Variants in FSCB observed in about 807,000 individuals in gnomAD.
FSCB encodes the protein fibrous sheath CABYR-binding protein.
For missense variants in FSCB, 975 were observed against 934.8 expected (o/e 1.04, Z -0.56); for synonymous variants, 331 against 336.6 (o/e 0.98, Z 0.18).
In FSCB at chr14:44,506,830, G is replaced by A. The variant is rs1193441721; in HGVS notation, c.158C>T (p.Ser53Phe). 19 of 1,613,942 alleles carry A rather than the reference G, an allele frequency of 1.2e-5. No homozygotes were observed. Among genetic ancestry groups the A allele is most frequent in the Non-Finnish European group, 1.5e-5 (18 of 1,179,988 alleles). Residue 53 changes from serine to phenylalanine, a missense_variant, in exon 1 of 1, where the codon TCT becomes TTT. Coordinates refer to ENST00000340446, the MANE Select transcript of FSCB (RefSeq NM_032135.4). ...AKAYESIRVS[S>F]ELQQTWTKRK... Reference sequence around the variant, plus strand: ...CTTTGTCCAAGTTTGCTGAAGCTCAGAAGATACTCTAATAGACTCATAGGC... The same window carrying A: ...CTTTGTCCAAGTTTGCTGAAGCTCAAAAGATACTCTAATAGACTCATAGGC...
chr14:44,504,350 G>A lies in FSCB; in HGVS notation c.*160C>T, dbSNP rs1488367557. On this transcript the variant is annotated 3_prime_UTR_variant, in exon 1 of 1. Coordinates refer to ENST00000340446, the MANE Select transcript of FSCB (RefSeq NM_032135.4). ...AAATTAACACAAGTAATTTTATGCT[G>A]CTACAGTTTTTATTGTTCATTTTCC... 6.0e-6 allele frequency: 3 copies of A among 498,386 alleles called. No individual in the cohort carries two copies. The highest frequency in any genetic ancestry group is 1.1e-5 in the Non-Finnish European group (3 of 280,506). 30.9% of individuals were successfully genotyped at this position (498,386 alleles called of 1,614,324 possible).
In FSCB at chr14:44,505,511, A is replaced by T. The variant is rs1881050357; in HGVS notation, c.1477T>A (p.Ser493Thr). 1.9e-6 allele frequency: 3 copies of T among 1,610,236 alleles called. No individual in the cohort carries two copies. The highest frequency in any genetic ancestry group is 2.7e-5 in the African/African-American group (2 of 73,982). Residue 493 changes from serine (S) to threonine (T), a missense_variant, in exon 1 of 1, where the codon TCT becomes ACT. Ser to Thr is a moderately conservative substitution (Grantham distance 58, BLOSUM62 1). Coordinates refer to ENST00000340446, the MANE Select transcript of FSCB (RefSeq NM_032135.4). ...PADETPAEAR[S>T]PLSEETSAEE... ...GCAGAAGTCTCCTCAGATAGTGGAG[A>T]CCGAGCTTCGGCAGGAGTTTCATCT... is the stretch of plus-strand genomic sequence containing the variant.
Position 44,504,833 on chromosome 14 carries a change from G to A in FSCB, c.2155C>T (p.Pro719Ser). The change falls in exon 1 of 1, where the codon CCA (proline) becomes TCA (serine). Residue 719 changes from proline (P) to serine (S), a missense_variant. Coordinates refer to ENST00000340446, the MANE Select transcript of FSCB (RefSeq NM_032135.4). ...TCAGTCAGAAGCAAATCAGCTGGTGGGGAATGTTTGTCAACGGAGGCCTCT... is the reference window on the plus strand; with the variant it reads ...TCAGTCAGAAGCAAATCAGCTGGTGAGGAATGTTTGTCAACGGAGGCCTCT... The part of the protein sequence containing the change: ...AEEASVDKHS[P>S]PADLLLTEEF... 1 of 1,614,142 alleles carries A rather than the reference G, an allele frequency of 6.2e-7. No individual in the cohort carries two copies. Among genetic ancestry groups the A allele is most frequent in the Non-Finnish European group, 8.5e-7 (1 of 1,180,030 alleles).
At position 44,505,639 on chromosome 14, in the gene FSCB, G is replaced by A. The variant is rs1261495361; in HGVS notation, c.1349C>T (p.Ala450Val). ...CTGAAATTCAGTAGGAGCCTCTTCTGCAGGGGTCTCCATAGCTGTTGAAAG... is the reference window on the plus strand; with the variant it reads ...CTGAAATTCAGTAGGAGCCTCTTCTACAGGGGTCTCCATAGCTGTTGAAAG... ...LQLSTAMETP[A>V]EEAPTEFQSP... The change falls in exon 1 of 1, where the codon GCA (alanine) becomes GTA (valine). Residue 450 changes from alanine (A) to valine (V), a missense_variant. By Grantham distance (64) the Ala-to-Val change is moderately conservative. Transcript: ENST00000340446. The A allele has an allele frequency of 6.2e-7, 1 of 1,613,522 alleles. No individual in the cohort carries two copies.
chr14:44,505,703 G>A lies in FSCB; in HGVS notation c.1285C>T (p.Pro429Ser). ...GCCTCTTCTCTAGGAGCCTCTTCAGGTAATAGAGGCTGAACATCAGCAAGG... is the reference window on the plus strand; with the variant it reads ...GCCTCTTCTCTAGGAGCCTCTTCAGATAATAGAGGCTGAACATCAGCAAGG... ...ETLADVQPLLPEEAPREEARE... is the reference protein window; with the variant it reads ...ETLADVQPLLSEEAPREEARE... Residue 429 changes from proline (P) to serine (S), a missense_variant, in exon 1 of 1, where the codon CCT (proline) becomes TCT (serine). Coordinates refer to ENST00000340446, the MANE Select transcript of FSCB (RefSeq NM_032135.4). 6.2e-7 allele frequency: 1 copy of A among 1,613,528 alleles called. No individual in the cohort carries two copies. The highest frequency in any genetic ancestry group is 1.1e-5 in the South Asian group (1 of 91,046).
At position 44,506,115 on chromosome 14, in the gene FSCB, G is replaced by A; in HGVS notation, c.873C>T (p.Val291=). The change falls in exon 1 of 1, where the codon GTC becomes GTT. Residue 291 remains valine (V), a synonymous_variant. Transcript: ENST00000340446. ...AEPRPAEETH[V]QVQPSTEETP... ...TCTCTTCAGTTGATGGCTGTACTTG[G>A]ACATGGGTCTCTTCAGCAGGTCTGG... 1.2e-6 allele frequency: 2 copies of A among 1,614,034 alleles called. No individual in the cohort carries two copies. Among genetic ancestry groups the A allele is most frequent in the Non-Finnish European group, 1.7e-6 (2 of 1,179,992 alleles).
rs1393008585 is a variant in FSCB at position 44,504,899 on chromosome 14, C to A, written c.2089G>T (p.Ala697Ser). 2.1e-5 allele frequency: 34 copies of A among 1,613,910 alleles called. No homozygotes were observed. Among genetic ancestry groups the A allele is most frequent in the Non-Finnish European group, 2.6e-5 (31 of 1,180,004 alleles). Residue 697 changes from alanine to serine, a missense_variant, in exon 1 of 1, where the codon GCT becomes TCT. Ala to Ser is a moderately conservative substitution (Grantham distance 99). Coordinates refer to ENST00000340446, the MANE Select transcript of FSCB (RefSeq NM_032135.4). ...AEETPIEETLAAVHSPPADDV... is the reference protein window; with the variant it reads ...AEETPIEETLSAVHSPPADDV... ...TCAGCTGGGGGAGAGTGTACTGCAG[C>A]AAGGGTCTCTTCTATAGGAGTCTCC...
In FSCB at chr14:44,504,748, G is replaced by A; in HGVS notation, c.2240C>T (p.Pro747Leu). The A allele has an allele frequency of 6.2e-7, 1 of 1,614,158 alleles. No homozygotes were observed. The change falls in exon 1 of 1, where the codon CCT (proline) becomes CTT (leucine). Residue 747 changes from proline to leucine, a missense_variant. By Grantham distance (98) the Pro-to-Leu change is moderately conservative. Transcript: ENST00000340446. Reference sequence around the variant, plus strand: ...ATTCTCTACCAGAGCCTCATCTTCAGGGGTTTGTTCAGATGGTGGAGGTGA... The same window carrying A: ...ATTCTCTACCAGAGCCTCATCTTCAAGGGTTTGTTCAGATGGTGGAGGTGA... ...EVSPPPSEQT[P>L]EDEALVENVS...
At position 44,506,368 on chromosome 14, in the gene FSCB, T is replaced by A. The variant is rs752963679; in HGVS notation, c.620A>T (p.Glu207Val). ...EFQPATNSNE[E>V]IGQKNISRTS... The stretch of plus-strand genomic sequence containing the variant: ...TCTGCTGATATTTTTCTGCCCAATT[T>A]CTTCATTGCTGTTTGTTGCTGGTTG... The change falls in exon 1 of 1, where the codon GAA becomes GTA. Residue 207 changes from glutamate to valine, a missense_variant. By Grantham distance (121) the Glu-to-Val change is moderately radical. Transcript: ENST00000340446. The A allele has an allele frequency of 6.2e-7, 1 of 1,614,198 alleles. No individual in the cohort carries two copies. The highest frequency in any genetic ancestry group is 8.5e-7 in the Non-Finnish European group (1 of 1,180,036).
chr14:44,505,727 G>C lies in FSCB; in HGVS notation c.1261C>G (p.Leu421Val), dbSNP rs765639830. Residue 421 changes from leucine (L) to valine (V), a missense_variant, in exon 1 of 1, where the codon CTT becomes GTT. Leu to Val is a conservative substitution (Grantham distance 32, BLOSUM62 1). Coordinates refer to ENST00000340446, the MANE Select transcript of FSCB (RefSeq NM_032135.4). ...GGTAATAGAGGCTGAACATCAGCAAGGGTCTCTTCAACAGTGGGAGGCTCT... is the reference window on the plus strand; with the variant it reads ...GGTAATAGAGGCTGAACATCAGCAACGGTCTCTTCAACAGTGGGAGGCTCT... ...KVEPPTVEET[L>V]ADVQPLLPEE... is the part of the protein sequence containing the mutation. 2.5e-6 allele frequency: 4 copies of C among 1,613,418 alleles called. No individual in the cohort carries two copies. In the African/African-American group the frequency reaches 4.0e-5, roughly 16 times the overall value.
rs993558934 is a variant in FSCB, at chr14:44,507,170, G to C, written c.-183C>G. On this transcript the variant is annotated 5_prime_UTR_variant, in exon 1 of 1. Coordinates refer to ENST00000340446, the MANE Select transcript of FSCB (RefSeq NM_032135.4). ...CTTTCCCTTTCTTAGGTGTCATTCTGTTGAGCTCCCTCAGAAAAAAAGTAA... is the reference window on the plus strand; with the variant it reads ...CTTTCCCTTTCTTAGGTGTCATTCTCTTGAGCTCCCTCAGAAAAAAAGTAA... The C allele has an allele frequency of 7.4e-6, 4 of 541,500 alleles. No homozygotes were observed. The highest frequency in any genetic ancestry group is 1.3e-5 in the Non-Finnish European group (4 of 302,176). The allele number at this position is 541,500 out of a possible 1,614,324, so 33.5% of individuals were successfully genotyped here. A position where few individuals can be genotyped will look rare whatever the true frequency, so the allele number is the denominator to read the frequency against.
At position 44,506,750 on chromosome 14, in the gene FSCB, C is replaced by G. The variant is rs201908847; in HGVS notation, c.238G>C (p.Glu80Gln). ...ACTAACTTGACTTCTTTTTTCTCTT[C>G]TACAATGGTGTCTGTCTGGAGAGAC... The part of the protein sequence containing the change: ...SKSLQTDTIV[E>Q]EKKEVKLVEE... The change falls in exon 1 of 1, where the codon GAA becomes CAA. Residue 80 changes from glutamate (E) to glutamine (Q), a missense_variant. Transcript: ENST00000340446. The G allele has an allele frequency of 1.4e-5, 22 of 1,614,116 alleles. No individual in the cohort carries two copies. Among genetic ancestry groups the G allele is most frequent in the Non-Finnish European group, 1.8e-5 (21 of 1,180,006 alleles).
At position 44,506,385 on chromosome 14, in the gene FSCB, T is replaced by G. The variant is rs1374790433; in HGVS notation, c.603A>C (p.Ala201=). Residue 201 remains alanine, a synonymous_variant, in exon 1 of 1, where the codon GCA becomes GCC. Coordinates refer to ENST00000340446, the MANE Select transcript of FSCB (RefSeq NM_032135.4). ...GCCCAATTTCTTCATTGCTGTTTGT[T>G]GCTGGTTGAAATTCAGGGTGTTCAC... ...FASEHPEFQP[A]TNSNEEIGQK... is the part of the protein sequence containing the mutation. 1 of 1,614,120 alleles carries G rather than the reference T, an allele frequency of 6.2e-7. No individual in the cohort carries two copies. Among genetic ancestry groups the G allele is most frequent in the South Asian group, 1.1e-5 (1 of 91,062 alleles).
In FSCB at chr14:44,505,148, G is replaced by A. The variant is rs868072621; in HGVS notation, c.1840C>T (p.Pro614Ser). The A allele has an allele frequency of 4.3e-6, 7 of 1,609,658 alleles. No homozygotes were observed. Among genetic ancestry groups the A allele is most frequent in the African/African-American group, 1.3e-5 (1 of 74,722 alleles). The change falls in exon 1 of 1, where the codon CCA becomes TCA. Residue 614 changes from proline (P) to serine (S), a missense_variant. By Grantham distance (74) the Pro-to-Ser change is moderately conservative. Coordinates refer to ENST00000340446, the MANE Select transcript of FSCB (RefSeq NM_032135.4). ...EEAPAEVQPP[P>S]AEEAPAEVQP... The stretch of plus-strand genomic sequence containing the variant: ...ACTTCAGCGGGGGCCTCCTCAGCTG[G>A]TGGAGGCTGAACTTCAGCAGGAGCC...
rs1881116905 is a variant in FSCB, at chr14:44,507,137, GT to G, written c.-151del. ...ACCAAAAATCACAAACGTACCAAGT[GT>G]CAAAGACTTTCCCTTTCTTAGGTGT... On this transcript the variant is annotated 5_prime_UTR_variant, in exon 1 of 1. The change abolishes the stop of an existing upstream ORF in the 5' untranslated region. Coordinates refer to ENST00000340446, the MANE Select transcript of FSCB (RefSeq NM_032135.4). The G allele has an allele frequency of 1.6e-6, 1 of 641,964 alleles. No homozygotes were observed. Among genetic ancestry groups the G allele is most frequent in the Non-Finnish European group, 2.7e-6 (1 of 371,818 alleles). 39.8% of individuals were successfully genotyped at this position (641,964 alleles called of 1,614,324 possible). A position where few individuals can be genotyped will look rare whatever the true frequency, so the allele number is the denominator to read the frequency against.
At position 44,505,854 on chromosome 14, in the gene FSCB, T is replaced by A; in HGVS notation, c.1134A>T (p.Val378=). ...GAGACCGAATTTCACCAAGAAGCTC[T>A]ACTGAAGGAGACTTTTCAGCTGGTG... ...LPPPAEKSPS[V]ELLGEIRSPS... Residue 378 remains valine, a synonymous_variant, in exon 1 of 1, where the codon GTA becomes GTT. Transcript: ENST00000340446. 1 of 1,614,030 alleles carries A rather than the reference T, an allele frequency of 6.2e-7. No individual in the cohort carries two copies.
rs369292266 is a variant in FSCB, at chr14:44,506,086, G to C, written c.902C>G (p.Pro301Arg). The C allele has an allele frequency of 2.5e-6, 4 of 1,614,024 alleles. No homozygotes were observed. The African/African-American group carries it at 5.3e-5, about 22-fold the overall frequency. The change falls in exon 1 of 1, where the codon CCT becomes CGT. Residue 301 changes from proline (P) to arginine (R), a missense_variant. Physicochemically the swap from Pro to Arg is moderately radical, Grantham distance 103. Transcript: ENST00000340446. ...AACTGCAGTGGCTGCCTCAGCATCA[G>C]GAGTCTCTTCAGTTGATGGCTGTAC... ...VQVQPSTEET[P>R]DAEAATAVAE...
At position 44,506,465 on chromosome 14, in the gene FSCB, T is replaced by C. The variant is rs1018854001; in HGVS notation, c.523A>G (p.Thr175Ala). Reference sequence around the variant, plus strand: ...TTCAGGGCATCTTCCTTTGACTTTGTAGAAGAACTATCTGGCCTGGAAATA... The same window carrying C: ...TTCAGGGCATCTTCCTTTGACTTTGCAGAAGAACTATCTGGCCTGGAAATA... The part of the protein sequence containing the change: ...VVISRPDSSS[T>A]KSKEDALKHK... The change falls in exon 1 of 1, where the codon ACA becomes GCA. Residue 175 changes from threonine to alanine, a missense_variant. By Grantham distance (58) the Thr-to-Ala change is moderately conservative (BLOSUM62 0). Transcript: ENST00000340446. 7 of 1,614,216 alleles carry C rather than the reference T, an allele frequency of 4.3e-6. No individual in the cohort carries two copies. The highest frequency in any genetic ancestry group is 5.9e-6 in the Non-Finnish European group (7 of 1,180,036).
rs779801157 is a variant in FSCB, at chr14:44,506,462, T to C, written c.526A>G (p.Lys176Glu). The change falls in exon 1 of 1, where the codon AAG becomes GAG. Residue 176 changes from lysine (K) to glutamate (E), a missense_variant. By Grantham distance (56) the Lys-to-Glu change is moderately conservative (BLOSUM62 1). Coordinates refer to ENST00000340446, the MANE Select transcript of FSCB (RefSeq NM_032135.4). Reference sequence around the variant, plus strand: ...TGTTTCAGGGCATCTTCCTTTGACTTTGTAGAAGAACTATCTGGCCTGGAA... The same window carrying C: ...TGTTTCAGGGCATCTTCCTTTGACTCTGTAGAAGAACTATCTGGCCTGGAA... The part of the protein sequence containing the change: ...VISRPDSSST[K>E]SKEDALKHKS... 80 of 1,614,126 alleles carry C rather than the reference T, an allele frequency of 5.0e-5. No individual in the cohort carries two copies. The highest frequency in any genetic ancestry group is 2.5e-4 in the Admixed American group (15 of 60,006).
Sources: allele counts gnomAD v4.1 joint callset, GRCh38; gene constraint gnomAD v4.1.1; transcripts MANE v1.5; gene names NCBI Gene and HGNC (gene_info 2026-07-23, HGNC 2026-07-21).